Variants in WDR62 observed in about 807,000 individuals in gnomAD.
WDR62 encodes WD repeat-containing protein 62.
In WDR62, 112 loss-of-function variants were observed where a neutral mutation model predicts 160.6. The observed-to-expected ratio is 0.70, with a 90% CI of 0.60 to 0.82. The LOEUF is 0.82. Among genes scored for constraint, WDR62 ranks in the 40% least tolerant of loss-of-function variants. WDR62 has a pLI of 0.00. For missense variants in WDR62, 1,819 were observed against 1,983.8 expected, an observed-to-expected ratio of 0.92 and a Z score of 1.58; for synonymous variants, 792 against 815.1, an observed-to-expected ratio of 0.97 and a Z score of 0.48.
chr19:36,080,576 A>G (rs1302054750), intron 9 of WDR62, among the ~76,000 whole-genome samples: 1 of 151,830 alleles, frequency 6.6e-6, no homozygotes, highest in African/African-American at 2.4e-5. Context: ...CTGCTGCCTC[A>G]GCCTCCCGAG....
At chr19:36,101,612 G>A (rs1973341139) in intron 24 of WDR62, 52 bp from the exon 25 acceptor site, 1 of 1,419,424 alleles carries the variant, frequency 7.0e-7, no homozygotes, top group South Asian at 1.2e-5. Context: ...CCTGGCCCTG[G>A]CTCACCAGAA....
At chr19:36,090,585 C>T in intron 16 of WDR62, 65 bp downstream of exon 16, 1 of 1,448,070 alleles carries the variant, frequency 6.9e-7, no homozygotes. Flanking sequence ...ACGGCCCACA[C>T]CTGAGACCTG....
Position 36,104,555 on chromosome 19 carries a change from G to A in WDR62, c.4191G>A (p.Trp1397Ter), listed in dbSNP as rs1234563653. 2 of 1,613,604 alleles carry A rather than the reference G, an allele frequency of 1.2e-6. No individual in the cohort carries two copies. Among genetic ancestry groups the A allele is most frequent in the East Asian group, 4.5e-5 (2 of 44,836 alleles). Residue 1397 changes from tryptophan to a stop codon, truncating the protein, a stop_gained, in exon 31 of 32, where the codon TGG (tryptophan) becomes TGA (stop). Coordinates refer to ENST00000401500, the MANE Select transcript of WDR62 (RefSeq NM_001083961.2). LOFTEE classifies it high-confidence loss of function. ...TGTTACAGGGCAGCCCTGCCCGCTGGAGTGAGCCCTGGGTGCCGGTTGAAG... is the reference window on the plus strand; with the variant it reads ...TGTTACAGGGCAGCCCTGCCCGCTGAAGTGAGCCCTGGGTGCCGGTTGAAG... ...LGLLQGSPAR[W>*]SEPWVPVEAL...
In WDR62 at chr19:36,055,065, T is replaced by C. The variant is rs550839938; in HGVS notation, c.94T>C (p.Ser32Pro). The change falls in exon 1 of 32, where the codon TCC becomes CCC. Residue 32 changes from serine to proline, a missense_variant. Ser to Pro is a moderately conservative substitution (Grantham distance 74, BLOSUM62 -1). Around this residue, in one of 3 missense-constraint regions of WDR62, gnomAD observed 115 missense variants for 92.4 expected, o/e 1.24. Transcript: ENST00000401500. ...MAGVPARRGQ[S>P]SPPPAPPICL... ...GGGAGTTCCGGCGCGGAGGGGCCAG[T>C]CCTCCCCGCCCCCCGCCCCACCAAT... 2.5e-6 allele frequency: 4 copies of C among 1,592,450 alleles called. No homozygotes were observed. In the South Asian group the frequency reaches 4.5e-5, roughly 18 times the overall value.
Position 36,086,617 on chromosome 19 carries a change from C to T in WDR62, c.1643-70C>T, listed in dbSNP as rs1411508347. 4.5e-6 allele frequency: 7 copies of T among 1,539,380 alleles called. No homozygotes were observed. In the African/African-American group the frequency reaches 9.6e-5, roughly 21 times the overall value. ...CTCCGAGGACTGGGCAGCTTGGTCACACTGCCCTTCTGGGAGGCCAGGGCA... is the reference window on the plus strand; with the variant it reads ...CTCCGAGGACTGGGCAGCTTGGTCATACTGCCCTTCTGGGAGGCCAGGGCA... On this transcript the variant is annotated intron_variant, in intron 12 of 31. Coordinates refer to ENST00000401500, the MANE Select transcript of WDR62 (RefSeq NM_001083961.2).
At chr19:36,097,233 G>A (rs575244273) in intron 21 of WDR62, among the ~76,000 whole-genome samples, 154 bp downstream of exon 21, 1 of 152,338 alleles carries the variant, frequency 6.6e-6, no homozygotes, top group South Asian at 2.1e-4. Context: ...CTTTGTTCAT[G>A]ATCAGTGCTC....
chr19:36,102,722 G>A lies in WDR62; in HGVS notation c.3221-15G>A, dbSNP rs766253275. 8.1e-6 allele frequency: 13 copies of A among 1,612,794 alleles called. No homozygotes were observed. The highest frequency in any genetic ancestry group is 5.0e-5 in the Admixed American group (3 of 60,026). On this transcript the variant is annotated splice_polypyrimidine_tract_variant and intron_variant, in intron 26 of 31. Coordinates refer to ENST00000401500, the MANE Select transcript of WDR62 (RefSeq NM_001083961.2). The stretch of plus-strand genomic sequence containing the variant: ...CGGGAAGGGTTATGAGGGTCCCCTC[G>A]GGATCTTCCCCTAGAGCTCTTCCCC...
intron 1 of WDR62, among the ~76,000 whole-genome samples, 179 bp downstream of exon 1, chr19:36,055,327 C>T (rs1253472458): frequency 6.6e-6 from 1 of 152,144 alleles, no homozygotes; most frequent in African/African-American, 2.4e-5. Flanking sequence ...TTTCTCCTCG[C>T]TGCTTTCCCG....
intron 21 of WDR62, among the ~76,000 whole-genome samples, chr19:36,097,870 CACT>C (rs1973068447): frequency 6.6e-6 from 1 of 151,784 alleles, no homozygotes; most frequent in Admixed American, 6.6e-5. Context: ...ACAGAGCCAA[CACT>C]TTGTCTCATA....
intron 19 of WDR62, among the ~76,000 whole-genome samples, chr19:36,093,766 G>T (rs185935850): frequency 2.0e-5 from 3 of 152,210 alleles, no homozygotes; most frequent in African/African-American, 7.2e-5. Context: ...CTGCAGCCCC[G>T]CTGTCTGCTT....
intron 9 of WDR62, chr19:36,074,135 A>G (rs899213430): frequency 6.1e-5 from 13 of 212,362 alleles, no homozygotes; most frequent in Non-Finnish European, 1.2e-4. Flanking sequence ...GTCTCTACAA[A>G]TAATTTTTAA....
chr19:36,075,513 T>G (rs1438763271), intron 9 of WDR62: 1 of 152,040 alleles, frequency 6.6e-6, no homozygotes, highest in Admixed American at 6.6e-5. Context: ...TGGCACAATC[T>G]AAGCTCACTG....
intron 18 of WDR62, among the ~76,000 whole-genome samples, 180 bp from the exon 19 acceptor site, chr19:36,092,509 C>T (rs1002543610): frequency 6.8e-6 from 1 of 148,084 alleles, no homozygotes; most frequent in South Asian, 2.1e-4. Context: ...CAGACCTGGG[C>T]CCAGGGTGTG....
In WDR62 at chr19:36,103,061, C is replaced by G; in HGVS notation, c.3449C>G (p.Pro1150Arg). 6.2e-7 allele frequency: 1 copy of G among 1,614,110 alleles called. No individual in the cohort carries two copies. Among genetic ancestry groups the G allele is most frequent in the East Asian group, 2.2e-5 (1 of 44,886 alleles). Residue 1150 changes from proline (P) to arginine (R), a missense_variant, in exon 28 of 32, where the codon CCA becomes CGA. Coordinates refer to ENST00000401500, the MANE Select transcript of WDR62 (RefSeq NM_001083961.2). The part of the protein sequence containing the change: ...QPRAGTGYAS[P>R]DRTHVLAAGK... ...AGAGCAGGTACTGGCTACGCCTCCCCAGACAGGACCCACGTGAGTATTGGG... is the reference window on the plus strand; with the variant it reads ...AGAGCAGGTACTGGCTACGCCTCCCGAGACAGGACCCACGTGAGTATTGGG...
chr19:36,073,596 C>A, intron 9 of WDR62, 65 bp downstream of exon 9: 1 of 1,328,808 alleles, frequency 7.5e-7, no homozygotes, highest in South Asian at 1.2e-5. Context: ...AGTTTGGGAA[C>A]CCATTCAGTA....
intron 9 of WDR62, among the ~76,000 whole-genome samples, chr19:36,076,252 G>A (rs754235189): frequency 6.6e-6 from 1 of 151,522 alleles, no homozygotes; most frequent in Non-Finnish European, 1.5e-5. Context: ...ACCATTTCTC[G>A]AAAAGACCAT....
rs530800176 is a variant in WDR62 at position 36,066,095 on chromosome 19, G to C, written c.390+80G>C. 5.0e-6 allele frequency: 8 copies of C among 1,588,244 alleles called. No homozygotes were observed. In the African/African-American group the frequency reaches 9.4e-5, roughly 19 times the overall value. ...ATTCCTTCTGCTCCCGGCAGGCCTG[G>C]GAGTCCCTGGAATAGCTCCTTCCTG... is the stretch of plus-strand genomic sequence containing the variant. On this transcript the variant is annotated intron_variant, in intron 4 of 31. Coordinates refer to ENST00000401500, the MANE Select transcript of WDR62 (RefSeq NM_001083961.2).
intron 1 of WDR62, among the ~76,000 whole-genome samples, chr19:36,056,365 T>G (rs1311578276): frequency 6.6e-6 from 1 of 152,170 alleles, no homozygotes. Context: ...ACCTCCCATG[T>G]GCTCTCTGTC....
Position 36,091,476 on chromosome 19 carries a change from G to C in WDR62, c.2210+11G>C. ...AGTATCTGGAGACAGGTGGGACATG[G>C]ACCTTTGGGAGAGTTGTGGCTCAGA... On this transcript the variant is annotated intron_variant, in intron 18 of 31. Transcript: ENST00000401500. 6.2e-7 allele frequency: 1 copy of C among 1,613,750 alleles called. No homozygotes were observed. Among genetic ancestry groups the C allele is most frequent in the South Asian group, 1.1e-5 (1 of 91,080 alleles).
Sources: allele counts gnomAD v4.1 joint callset (sites outside exome capture counted in the v4.1 genomes callset), GRCh38; gene constraint gnomAD v4.1.1; regional missense constraint gnomAD v4.1.1; transcripts MANE v1.5; gene names NCBI Gene and HGNC (gene_info 2026-07-23, HGNC 2026-07-21).